The following CDH12 variants were observed in gnomAD, a reference collection of about 807,000 sequenced individuals.
CDH12 encodes cadherin 12.
In CDH12, 41 loss-of-function variants were observed where a neutral mutation model predicts 74.1. That is an observed-to-expected ratio of 0.55 (90% CI 0.43 to 0.72). CDH12 has a LOEUF of 0.72. Among genes scored for constraint, CDH12 ranks in the 30% least tolerant of loss-of-function variants. The probability of loss-of-function intolerance (pLI) is 0.00; values close to 1 mark genes in which losing one functional copy is unlikely to be tolerated. For missense variants in CDH12, 945 were observed against 977.2 expected (o/e 0.97, Z 0.44); for synonymous variants, 399 against 355.0 (o/e 1.12, Z -1.39).
intron 3 of CDH12, among the ~76,000 whole-genome samples, chr5:22,376,262 C>T (rs373084258): frequency 2.6e-4 from 39 of 151,830 alleles, no homozygotes; most frequent in East Asian, 1.7e-3. Context: ...CTCATGGAGA[C>T]GGAGAATAGA....
Position 22,014,357 on chromosome 5 carries a change from G to T in CDH12, c.232-38972C>A, listed in dbSNP as rs1411673017. 2.4e-4 allele frequency among the ~76,000 whole-genome samples: 37 copies of T among 152,212 alleles called. No homozygotes were observed. In the South Asian group the frequency reaches 6.9e-3, roughly 28 times the overall value. On this transcript the variant is annotated intron_variant, in intron 5 of 14. Transcript: ENST00000382254. ...TTGCACAATAATGAAAGTTCATTGA[G>T]TACATGTTCACTGACATATATGGAT...
chr5:21,773,974 G>T (rs1745460532), intron 11 of CDH12, among the ~76,000 whole-genome samples: 1 of 152,076 alleles, frequency 6.6e-6, no homozygotes, highest in Admixed American at 6.6e-5. Flanking sequence ...CCTTATTATT[G>T]TCTTCATTTG....
intron 2 of CDH12, among the ~76,000 whole-genome samples, chr5:22,487,541 C>T (rs916312582): frequency 6.6e-6 from 1 of 151,996 alleles, no homozygotes; most frequent in African/African-American, 2.4e-5. Context: ...CAAGGATATA[C>T]ATACATTAAA....
chr5:22,349,539 C>T (rs1232949993), intron 3 of CDH12, among the ~76,000 whole-genome samples: 2 of 152,102 alleles, frequency 1.3e-5, no homozygotes, highest in Non-Finnish European at 2.9e-5. Flanking sequence ...TTTCCCAATT[C>T]GGAATAACAT....
At chr5:21,923,047 C>G (rs1038737618) in intron 6 of CDH12, among the ~76,000 whole-genome samples, 2 of 151,982 alleles carry the variant, frequency 1.3e-5, no homozygotes, top group Non-Finnish European at 2.9e-5. Flanking sequence ...AATTTAAACA[C>G]ATATTTAAGC....
Position 22,431,710 on chromosome 5 carries a change from G to A in CDH12, c.-427-26359C>T, listed in dbSNP as rs550017207. 2.0e-3 allele frequency among the ~76,000 whole-genome samples: 298 copies of A among 152,304 alleles called. 1 individual carries two copies. The highest frequency in any genetic ancestry group is 3.7e-3 in the Non-Finnish European group (249 of 68,022). ...GTGATGTTGATGATGCTGACCTGGT[G>A]AAGGCCTAGGCCAATGTGTGTGTGT... On this transcript the variant is annotated intron_variant, in intron 2 of 14. Coordinates refer to ENST00000382254, the MANE Select transcript of CDH12 (RefSeq NM_004061.5).
chr5:22,620,954 C>G (rs575772713), intron 1 of CDH12, among the ~76,000 whole-genome samples: 1 of 152,312 alleles, frequency 6.6e-6, no homozygotes, highest in East Asian at 1.9e-4. Context: ...AACTTAGCAT[C>G]TTCAACAACA....
In CDH12 at chr5:22,046,426, A is replaced by ATTTCTTTT. The variant is rs1304896605; in HGVS notation, c.231+32012_231+32019dup. On this transcript the variant is annotated intron_variant, in intron 5 of 14. Transcript: ENST00000382254. ...AATTGAGAAAGTCACTGGTCATTTA[A>ATTTCTTTT]TTTCTTTTTTTTTTTTTTTTTTTTT... is the stretch of plus-strand genomic sequence containing the variant. 3.8e-4 allele frequency among the ~76,000 whole-genome samples: 49 copies of ATTTCTTTT among 127,460 alleles called. 1 individual carries two copies. Among genetic ancestry groups the ATTTCTTTT allele is most frequent in the African/African-American group, 1.7e-3 (45 of 26,482 alleles). The allele number at this position is 127,460 out of a possible 152,430, so 83.6% of individuals were successfully genotyped here.
At chr5:22,149,047 G>A (rs1747401072) in intron 4 of CDH12, among the ~76,000 whole-genome samples, 1 of 152,172 alleles carries the variant, frequency 6.6e-6, no homozygotes, top group South Asian at 2.1e-4. Flanking sequence ...GAACCCAGGA[G>A]GCAGAGGTTG....
intron 1 of CDH12, among the ~76,000 whole-genome samples, chr5:22,785,813 C>A (rs1275114685): frequency 6.6e-6 from 1 of 152,108 alleles, no homozygotes; most frequent in East Asian, 1.9e-4. Context: ...CCACCATGCC[C>A]AGCCTTATTT....
intron 6 of CDH12, among the ~76,000 whole-genome samples, chr5:21,949,134 A>G (rs1467426950): frequency 2.6e-5 from 4 of 152,180 alleles, no homozygotes; most frequent in African/African-American, 9.7e-5. Flanking sequence ...AAACAAATAT[A>G]TTACATTTTC....
intron 4 of CDH12, among the ~76,000 whole-genome samples, chr5:22,086,132 G>A (rs1283450233): frequency 6.6e-6 from 1 of 152,032 alleles, no homozygotes; most frequent in Non-Finnish European, 1.5e-5. Flanking sequence ...TAGACTGCCT[G>A]CTGAGAAGCA....
chr5:22,301,826 A>G (rs1053101493), intron 3 of CDH12, among the ~76,000 whole-genome samples: 1 of 151,416 alleles, frequency 6.6e-6, no homozygotes, highest in African/African-American at 2.4e-5. Context: ...TCATTCATTC[A>G]TTTATTTATT....
At chr5:22,275,351 A>T (rs1580470905) in intron 3 of CDH12, among the ~76,000 whole-genome samples, 1 of 152,292 alleles carries the variant, frequency 6.6e-6, no homozygotes, top group East Asian at 1.9e-4. Context: ...AAAAAGAAAA[A>T]TTTGTTATTC....
intron 4 of CDH12, among the ~76,000 whole-genome samples, chr5:22,147,009 C>T (rs1280274558): frequency 2.0e-5 from 3 of 152,114 alleles, no homozygotes; most frequent in Non-Finnish European, 4.4e-5. Context: ...AATGTATATA[C>T]AGACACATCT....
chr5:22,521,021 G>A (rs529120485), intron 1 of CDH12, among the ~76,000 whole-genome samples: 53 of 150,534 alleles, frequency 3.5e-4, no homozygotes, highest in Non-Finnish European at 6.9e-4. Context: ...AAAGCGTGTT[G>A]TTTAACTGAG....
intron 3 of CDH12, among the ~76,000 whole-genome samples, chr5:22,385,876 G>T (rs1741974724): frequency 6.7e-6 from 1 of 150,220 alleles, no homozygotes; most frequent in Non-Finnish European, 1.5e-5. Flanking sequence ...AGGTGGAATG[G>T]CTACGCGCTT....
chr5:22,017,316 T>G (rs1322295275), intron 5 of CDH12, among the ~76,000 whole-genome samples: 1 of 152,032 alleles, frequency 6.6e-6, no homozygotes, highest in Non-Finnish European at 1.5e-5. Flanking sequence ...CTTCAAAAAC[T>G]GGGAAAATCA....
chr5:22,317,996 C>G (rs1421702558), intron 3 of CDH12, among the ~76,000 whole-genome samples: 1 of 152,202 alleles, frequency 6.6e-6, no homozygotes, highest in African/African-American at 2.4e-5. Flanking sequence ...AACCTGTCCT[C>G]ACAAGTTTTT....
Sources: allele counts gnomAD v4.1 joint callset (sites outside exome capture counted in the v4.1 genomes callset), GRCh38; gene constraint gnomAD v4.1.1; transcripts MANE v1.5; gene names NCBI Gene and HGNC (gene_info 2026-07-23, HGNC 2026-07-21).